The following TMPRSS7 variants were observed in gnomAD, a reference collection of about 807,000 sequenced individuals.
TMPRSS7 encodes the protein transmembrane protease serine 7.
Under a neutral mutation model 95.6 loss-of-function variants are expected in TMPRSS7, and 81 were observed. The ratio of observed to expected loss-of-function variants is 0.85; its 90% CI spans 0.71 to 1.02. The LOEUF is 1.02. Ranked by LOEUF, TMPRSS7 falls within the 50% of genes least tolerant of loss-of-function variation. TMPRSS7 has a pLI of 0.00. For missense variants in TMPRSS7, 945 were observed against 955.2 expected (o/e 0.99, Z 0.14); for synonymous variants, 364 against 337.8 (o/e 1.08, Z -0.85).
chr3:112,043,101 A>G (rs568808783), intron 3 of TMPRSS7: 2 of 455,908 alleles, frequency 4.4e-6, no homozygotes, highest in Non-Finnish European at 8.8e-6. Context: ...ATATTTATAC[A>G]GTCCTGTGTC....
intron 13 of TMPRSS7, among the ~76,000 whole-genome samples, chr3:112,068,438 G>C (rs981287356): frequency 4.6e-5 from 7 of 152,208 alleles, no homozygotes; most frequent in African/African-American, 1.7e-4. Flanking sequence ...TCATGATATG[G>C]ATTCTTCCTA....
intron 8 of TMPRSS7, 147 bp from the exon 9 acceptor site, chr3:112,050,524 A>AAAAAAAAAAAAAAC (rs1334764937): frequency 6.0e-6 from 2 of 332,460 alleles, no homozygotes; most frequent in Non-Finnish European, 1.1e-5. Flanking sequence ...TTTCTTCTGA[A>AAAAAAAAAAAAAAC]AAAAAAAAAA....
exon 15 of TMPRSS7, chr3:112,075,336 C>A: frequency 7.0e-7 from 1 of 1,427,432 alleles, no homozygotes; most frequent in Non-Finnish European, 9.2e-7. Flanking sequence ...AGCAGGAGTT[C>A]CTCCGCCCTT....
chr3:112,062,021 T>C, intron 11 of TMPRSS7, 98 bp downstream of exon 11: 1 of 862,608 alleles, frequency 1.2e-6, no homozygotes, highest in Non-Finnish European at 1.6e-6. Flanking sequence ...TGAATACTGC[T>C]TTATTTCTGC....
chr3:112,057,157 ATGTG>A, intron 10 of TMPRSS7, 26 bp downstream of exon 10: 2 of 1,510,670 alleles, frequency 1.3e-6, no homozygotes, highest in Non-Finnish European at 1.8e-6. Context: ...ATGTTTTCAT[ATGTG>A]AGGCATCTGA....
chr3:112,051,847 C>A (rs962027992), intron 9 of TMPRSS7, among the ~76,000 whole-genome samples: 19 of 152,176 alleles, frequency 1.2e-4, no homozygotes, highest in African/African-American at 4.6e-4. Context: ...TCAGGATATA[C>A]GTATAGACTC....
intron 4 of TMPRSS7, 113 bp from the exon 5 acceptor site, chr3:112,045,637 C>G: frequency 1.0e-6 from 1 of 1,001,940 alleles, no homozygotes; most frequent in Non-Finnish European, 1.4e-6. Context: ...AAGAAGGGAG[C>G]TAGCTTCAGT....
At chr3:112,057,271 C>G in intron 10 of TMPRSS7, 140 bp downstream of exon 10, 1 of 615,418 alleles carries the variant, frequency 1.6e-6, no homozygotes, top group Non-Finnish European at 2.8e-6. Context: ...GTAACTTGCT[C>G]AAGGCCATGC....
chr3:112,043,209 C>T (rs2073233174), intron 3 of TMPRSS7: 1 of 423,162 alleles, frequency 2.4e-6, no homozygotes, highest in Non-Finnish European at 4.8e-6. Flanking sequence ...GATGGTATAG[C>T]CTACTGCTCC....
chr3:112,045,815 G>A (rs1186371573), exon 5 of TMPRSS7: 1 of 1,551,684 alleles, frequency 6.4e-7, no homozygotes, highest in Non-Finnish European at 8.7e-7. Flanking sequence ...CGTGCCAAAG[G>A]CCACATCTTC....
Position 112,064,356 on chromosome 3 carries a change from C to CTTTTTTTTT in TMPRSS7, c.1555+730_1555+731insTTTTTTTTT, listed in dbSNP as rs1553764669. On this transcript the variant is annotated intron_variant, in intron 12 of 17. Coordinates refer to ENST00000452346, the Ensembl canonical transcript of TMPRSS7. ...GGGTTTTGTGTGTGTGTTTTCTTTT[C>CTTTTTTTTT]TTTTTTCTTTGAGACCAGGTCTTGC... Among the ~76,000 whole-genome samples, 630 of 150,586 alleles carry CTTTTTTTTT rather than the reference C, an allele frequency of 4.2e-3. 21 individuals carry two copies. The East Asian group carries it at 0.062, about 15-fold the overall frequency.
intron 9 of TMPRSS7, among the ~76,000 whole-genome samples, chr3:112,054,729 C>CTTTGTTT (rs2073409426): frequency 2.0e-5 from 1 of 49,010 alleles, no homozygotes; most frequent in Non-Finnish European, 3.5e-5. Context: ...TCTCAGTTTG[C>CTTTGTTT]TTTTTTTTTT....
intron 7 of TMPRSS7, among the ~76,000 whole-genome samples, chr3:112,048,347 T>C (rs7630245): frequency 0.3 from 45,913 of 152,120 alleles, 7,058 homozygotes; most frequent in Middle Eastern, 0.32. Context: ...AATTAAATTT[T>C]TTTTCTCGTT....
chr3:112,055,047 A>T (rs866411567), intron 9 of TMPRSS7, among the ~76,000 whole-genome samples: 1 of 152,060 alleles, frequency 6.6e-6, no homozygotes, highest in South Asian at 2.1e-4. Flanking sequence ...GCCAGTTTAC[A>T]TATTTTTTAT....
chr3:112,079,912 G>A (rs534514665), intron 17 of TMPRSS7, among the ~76,000 whole-genome samples: 2 of 152,122 alleles, frequency 1.3e-5, no homozygotes, highest in South Asian at 4.1e-4. Flanking sequence ...GCTGGGATTT[G>A]AACCCTTGCC....
chr3:112,038,120 G>A (rs756008730), exon 2 of TMPRSS7: 48 of 702,526 alleles, frequency 6.8e-5, no homozygotes, highest in Admixed American at 1.4e-4. Flanking sequence ...GAAGCTGCCA[G>A]TGAGACGACC....
In TMPRSS7 at chr3:112,038,326, G is replaced by A. The variant is rs1305550825; in HGVS notation, c.298+5G>A. The A allele has an allele frequency of 2.9e-6, 2 of 700,128 alleles. No individual in the cohort carries two copies. The highest frequency in any genetic ancestry group is 2.0e-5 in the Admixed American group (1 of 49,736). The allele number at this position is 700,128 out of a possible 1,614,324, so 43.4% of individuals were successfully genotyped here. A position where few individuals can be genotyped will look rare whatever the true frequency, so the allele number is the denominator to read the frequency against. On this transcript the variant is annotated splice_donor_5th_base_variant and intron_variant, in intron 2 of 17. Coordinates refer to ENST00000452346, the Ensembl canonical transcript of TMPRSS7. ...CACTTCTGTGGCTGTATATCAGTAAGTTAAAAATCTGTGTTTCTTTGGGGT... is the reference window on the plus strand; with the variant it reads ...CACTTCTGTGGCTGTATATCAGTAAATTAAAAATCTGTGTTTCTTTGGGGT...
intron 2 of TMPRSS7, among the ~76,000 whole-genome samples, chr3:112,041,590 A>AAATCTGG: frequency 6.6e-6 from 1 of 152,160 alleles, no homozygotes; most frequent in African/African-American, 2.4e-5. Context: ...TCCTTCAGAG[A>AAATCTGG]GCCCATAAAG....
downstream of TMPRSS7, chr3:112,081,269 GAAAAA>G: frequency 5.9e-5 from 7 of 118,804 alleles, no homozygotes; most frequent in South Asian, 2.7e-4. Flanking sequence ...TGTCTCTACT[GAAAAA>G]AAAAAAAAAA....
Sources: allele counts gnomAD v4.1 joint callset (sites outside exome capture counted in the v4.1 genomes callset), GRCh38; gene constraint gnomAD v4.1.1; transcripts MANE v1.5; gene names NCBI Gene and HGNC (gene_info 2026-07-23, HGNC 2026-07-21).